The following OOSP1 variants were observed in gnomAD, a reference collection of about 807,000 sequenced individuals.
OOSP1 encodes the protein putative oocyte-secreted protein 1 homolog.
A neutral mutation model predicts 5.7 loss-of-function variants in OOSP1; 11 were observed. The ratio of observed to expected loss-of-function variants is 1.94; its 90% CI spans 1.22 to 3.20. The LOEUF is 3.20. OOSP1 is among the 30% of genes most tolerant of loss of function. The probability of loss-of-function intolerance (pLI) is 0.00; values close to 1 mark genes in which losing one functional copy is unlikely to be tolerated. For missense variants in OOSP1, 83 were observed against 54.1 expected (o/e 1.53, Z -1.67); for synonymous variants, 44 against 20.0 (o/e 2.20, Z -3.20).
At chr11:59,950,228 G>T (rs539597574) in intron 4 of OOSP1, among the ~76,000 whole-genome samples, 3 of 152,112 alleles carry the variant, frequency 2.0e-5, no homozygotes, top group Non-Finnish European at 4.4e-5. Flanking sequence ...ATGTTGGTTC[G>T]GAAACCTTAT....
At chr11:59,945,043 T>C (rs1440667654) in intron 2 of OOSP1, 126 bp from the exon 3 acceptor site, 2 of 629,590 alleles carry the variant, frequency 3.2e-6, no homozygotes, top group African/African-American at 1.8e-5. Flanking sequence ...ATGCTATTTA[T>C]AGTTGAGTGA....
chr11:59,955,697 C>A (rs1461800649), intron 4 of OOSP1, among the ~76,000 whole-genome samples: 1 of 151,984 alleles, frequency 6.6e-6, no homozygotes, highest in Non-Finnish European at 1.5e-5. Context: ...TGGCTCACTG[C>A]AGCCTCAACA....
exon 2 of OOSP1, chr11:59,942,956 T>C (rs1042417811): frequency 1.4e-6 from 1 of 703,004 alleles, no homozygotes; most frequent in South Asian, 1.5e-5. Context: ...ATGGCTGCCA[T>C]GTAACCCATG....
intron 4 of OOSP1, chr11:59,948,779 TTGA>T (rs1410428507): frequency 2.5e-6 from 1 of 398,020 alleles, no homozygotes; most frequent in Non-Finnish European, 4.4e-6. Flanking sequence ...TCTGTCCCCT[TTGA>T]TATTGAGAGG....
At chr11:59,957,292 G>A (rs1233226547) in exon 5 of OOSP1, 4 of 397,586 alleles carry the variant, frequency 1.0e-5, no homozygotes, top group East Asian at 3.6e-5. Context: ...GCTGTTGAGC[G>A]AGATGATAGA....
At chr11:59,945,345 T>C in intron 3 of OOSP1, 79 bp downstream of exon 3, 1 of 701,562 alleles carries the variant, frequency 1.4e-6, no homozygotes. Flanking sequence ...ACCTGAAAGG[T>C]TAAATGGTAC....
intron 1 of OOSP1, among the ~76,000 whole-genome samples, chr11:59,939,333 C>T (rs1853801503): frequency 6.6e-6 from 1 of 151,782 alleles, no homozygotes; most frequent in Admixed American, 6.6e-5. Context: ...CTCACTACAG[C>T]CTCTGCCTCC....
intron 1 of OOSP1, among the ~76,000 whole-genome samples, chr11:59,939,260 CT>C (rs879810533): frequency 1.6e-3 from 220 of 140,494 alleles, no homozygotes; most frequent in African/African-American, 5.0e-3. Flanking sequence ...TTCTTCCTTT[CT>C]TTTTTTTTTG....
chr11:59,948,065 C>T (rs912039310), intron 4 of OOSP1, among the ~76,000 whole-genome samples: 1 of 152,142 alleles, frequency 6.6e-6, no homozygotes, highest in African/African-American at 2.4e-5. Flanking sequence ...TAATCTGTTA[C>T]TAACTGGGAA....
intron 1 of OOSP1, among the ~76,000 whole-genome samples, chr11:59,941,070 G>A (rs1379015651): frequency 6.6e-6 from 1 of 152,148 alleles, no homozygotes; most frequent in Non-Finnish European, 1.5e-5. Flanking sequence ...CAAACCTTCT[G>A]TCTCCGTTTT....
intron 2 of OOSP1, among the ~76,000 whole-genome samples, chr11:59,943,429 G>A (rs573638309): frequency 2.2e-4 from 33 of 152,146 alleles, no homozygotes; most frequent in Non-Finnish European, 3.7e-4. Flanking sequence ...AAGTCATTAA[G>A]TGTCTATTTG....
intron 4 of OOSP1, among the ~76,000 whole-genome samples, chr11:59,949,863 C>T (rs1336017630): frequency 6.6e-6 from 1 of 152,166 alleles, no homozygotes; most frequent in East Asian, 1.9e-4. Flanking sequence ...CAATGGTCCT[C>T]AGCTAGGGGC....
chr11:59,949,014 G>C (rs2134570838), intron 4 of OOSP1: 1 of 372,330 alleles, frequency 2.7e-6, no homozygotes, highest in South Asian at 1.5e-4. Context: ...TATGAATAAA[G>C]TTTATACTAC....
intron 4 of OOSP1, among the ~76,000 whole-genome samples, chr11:59,949,436 C>T (rs76823312): frequency 0.029 from 4,446 of 151,540 alleles, 213 homozygotes; most frequent in African/African-American, 0.1. Flanking sequence ...AAATGAGCCC[C>T]GCAGATCCTG....
intron 1 of OOSP1, among the ~76,000 whole-genome samples, chr11:59,941,669 C>A (rs913034159): frequency 6.6e-6 from 1 of 152,158 alleles, no homozygotes; most frequent in Non-Finnish European, 1.5e-5. Context: ...TGAGCCACCT[C>A]GCCCAGCCCA....
At chr11:59,951,689 C>T (rs941404370) in intron 4 of OOSP1, among the ~76,000 whole-genome samples, 27 of 142,270 alleles carry the variant, frequency 1.9e-4, no homozygotes, top group African/African-American at 4.7e-4. Flanking sequence ...GCTCAATGTG[C>T]GTGTCGAAGA....
chr11:59,946,606 G>A (rs184907756), intron 3 of OOSP1, among the ~76,000 whole-genome samples: 9 of 152,202 alleles, frequency 5.9e-5, no homozygotes, highest in Non-Finnish European at 1.3e-4. Flanking sequence ...TAAGTGTCAG[G>A]GTCCCTGAAA....
At chr11:59,955,365 T>C (rs1307094587) in intron 4 of OOSP1, among the ~76,000 whole-genome samples, 1 of 152,108 alleles carries the variant, frequency 6.6e-6, no homozygotes, top group African/African-American at 2.4e-5. Flanking sequence ...AATACTACAA[T>C]ACTATGAATC....
At chr11:59,956,977 C>T (rs1019869493) in intron 4 of OOSP1, among the ~76,000 whole-genome samples, 4 of 151,880 alleles carry the variant, frequency 2.6e-5, no homozygotes, top group African/African-American at 7.3e-5. Context: ...GGGTTTGTTC[C>T]GTGATTTTGT....
Sources: allele counts gnomAD v4.1 joint callset (sites outside exome capture counted in the v4.1 genomes callset), GRCh38; gene constraint gnomAD v4.1.1; transcripts MANE v1.5; gene names NCBI Gene and HGNC (gene_info 2026-07-23, HGNC 2026-07-21).